The following OLA1 variants were observed in gnomAD, a reference collection of about 807,000 sequenced individuals.
The protein encoded by OLA1 is obg-like ATPase 1.
OLA1 carries 14 observed loss-of-function variants against 48.4 expected under a neutral mutation model. That is an observed-to-expected ratio of 0.29 (90% CI 0.19 to 0.45). The LOEUF (loss-of-function observed/expected upper bound fraction) is 0.45. OLA1 is among the 20% of genes least tolerant of loss of function. The probability of loss-of-function intolerance (pLI) is 1.00; values close to 1 mark genes in which losing one functional copy is unlikely to be tolerated. For synonymous variants in OLA1, 127 were observed against 150.4 expected, an observed-to-expected ratio of 0.84 and a Z score of 1.14; for missense variants, 325 against 467.1, an observed-to-expected ratio of 0.70 and a Z score of 2.80.
intron 4 of OLA1, among the ~76,000 whole-genome samples, chr2:174,198,733 A>T (rs1246023350): frequency 1.3e-5 from 2 of 152,182 alleles, no homozygotes; most frequent in African/African-American, 4.8e-5. Flanking sequence ...GTGAGCCAAG[A>T]TCACACCACT....
chr2:174,151,502 C>A (rs1686745179), intron 4 of OLA1, among the ~76,000 whole-genome samples: 1 of 152,098 alleles, frequency 6.6e-6, no homozygotes, highest in Non-Finnish European at 1.5e-5. Context: ...CAGAGTCCCA[C>A]CACAATCATT....
At chr2:174,227,352 A>G (rs1224285115) in intron 3 of OLA1, among the ~76,000 whole-genome samples, 1 of 152,232 alleles carries the variant, frequency 6.6e-6, no homozygotes, top group Admixed American at 6.5e-5. Flanking sequence ...AAATCTAAAT[A>G]AAGTCTATGA....
chr2:174,129,624 G>A (rs964729581), intron 5 of OLA1, among the ~76,000 whole-genome samples: 2 of 151,740 alleles, frequency 1.3e-5, no homozygotes, highest in African/African-American at 4.8e-5. Context: ...ATTAGCAATA[G>A]AAATCTCTAG....
At chr2:174,103,410 T>C (rs1364904123) in intron 7 of OLA1, among the ~76,000 whole-genome samples, 1 of 152,208 alleles carries the variant, frequency 6.6e-6, no homozygotes, top group Non-Finnish European at 1.5e-5. Context: ...TGTCTATGGC[T>C]GCTTTTGCAT....
In OLA1 at chr2:174,075,409, T is replaced by G. The variant is rs372370009; in HGVS notation, c.*17A>C. The stretch of plus-strand genomic sequence containing the variant: ...GCCTTTTGGAAGTTGTATGTTTATC[T>G]GAGCAATAACTAAATTTTATTTCTT... On this transcript the variant is annotated 3_prime_UTR_variant, in exon 11 of 11. Coordinates refer to ENST00000284719, the MANE Select transcript of OLA1 (RefSeq NM_013341.5). 2 of 1,462,800 alleles carry G rather than the reference T, an allele frequency of 1.4e-6. No individual in the cohort carries two copies. The highest frequency in any genetic ancestry group is 1.9e-6 in the Non-Finnish European group (2 of 1,047,096). 90.6% of individuals were successfully genotyped at this position (1,462,800 alleles called of 1,614,324 possible). A position where few individuals can be genotyped will look rare whatever the true frequency, so the allele number is the denominator to read the frequency against.
At chr2:174,087,330 T>C (rs911130886) in intron 7 of OLA1, among the ~76,000 whole-genome samples, 1 of 152,044 alleles carries the variant, frequency 6.6e-6, no homozygotes, top group African/African-American at 2.4e-5. Flanking sequence ...TCGGCCCCTA[T>C]TGTATATTCT....
Position 174,123,161 on chromosome 2 carries a change from C to T in OLA1, c.728+19G>A, listed in dbSNP as rs777609203. The T allele has an allele frequency of 8.4e-7, 1 of 1,188,114 alleles. No individual in the cohort carries two copies. Among genetic ancestry groups the T allele is most frequent in the Non-Finnish European group, 1.3e-6 (1 of 798,230 alleles). The allele number at this position is 1,188,114 out of a possible 1,614,324, so 73.6% of individuals were successfully genotyped here. On this transcript the variant is annotated intron_variant, in intron 7 of 10. Transcript: ENST00000284719. ...ACAGAGATGATGCATCTGGGTATAT[C>T]TGGTGAGGAAAAACTTACCATTTGT...
chr2:174,186,228 T>C (rs1687653112), intron 4 of OLA1, among the ~76,000 whole-genome samples: 1 of 152,166 alleles, frequency 6.6e-6, no homozygotes, highest in Admixed American at 6.5e-5. Context: ...TTTCTGCTTG[T>C]AGGATGAAGA....
At chr2:174,187,792 G>A (rs776969257) in intron 4 of OLA1, among the ~76,000 whole-genome samples, 34 of 152,154 alleles carry the variant, frequency 2.2e-4, no homozygotes, top group Non-Finnish European at 4.1e-4. Flanking sequence ...GGTATGGAAG[G>A]TTTTCAAAAG....
intron 5 of OLA1, among the ~76,000 whole-genome samples, chr2:174,140,524 C>G (rs560971996): frequency 4.6e-5 from 7 of 152,094 alleles, no homozygotes; most frequent in Middle Eastern, 3.4e-3. Flanking sequence ...TGCACCACCA[C>G]GCCTGGCTAA....
At chr2:174,236,568 C>A (rs1327188920) in intron 2 of OLA1, among the ~76,000 whole-genome samples, 2 of 152,094 alleles carry the variant, frequency 1.3e-5, no homozygotes, top group Admixed American at 1.3e-4. Context: ...GCATTTACAG[C>A]CATACATCGC....
chr2:174,080,361 A>C (rs1174834987), intron 9 of OLA1, among the ~76,000 whole-genome samples: 1 of 152,086 alleles, frequency 6.6e-6, no homozygotes, highest in Non-Finnish European at 1.5e-5. Context: ...ATAAGACACT[A>C]TTTCTAAAAG....
intron 2 of OLA1, among the ~76,000 whole-genome samples, chr2:174,234,719 C>T (rs978614501): frequency 3.3e-5 from 5 of 152,054 alleles, no homozygotes; most frequent in African/African-American, 1.2e-4. Context: ...CAGCTTCAGC[C>T]TCGTAAAGTG....
At chr2:174,176,744 T>C (rs1687429984) in intron 4 of OLA1, among the ~76,000 whole-genome samples, 2 of 152,022 alleles carry the variant, frequency 1.3e-5, no homozygotes, top group East Asian at 1.9e-4. Context: ...AAGTGGGAGG[T>C]ATGGGGATGA....
intron 7 of OLA1, among the ~76,000 whole-genome samples, chr2:174,094,366 A>T (rs75514160): frequency 0.098 from 14,985 of 152,262 alleles, 1,023 homozygotes; most frequent in African/African-American, 0.18. Flanking sequence ...CCTCAAACAG[A>T]TCTACAGATT....
chr2:174,106,362 C>A (rs376584127), intron 7 of OLA1, among the ~76,000 whole-genome samples: 1 of 151,958 alleles, frequency 6.6e-6, no homozygotes, highest in Non-Finnish European at 1.5e-5. Flanking sequence ...AATAGTCAAA[C>A]CAACAATTAT....
intron 4 of OLA1, among the ~76,000 whole-genome samples, chr2:174,197,221 C>T (rs937683213): frequency 6.6e-6 from 1 of 152,058 alleles, no homozygotes; most frequent in African/African-American, 2.4e-5. Flanking sequence ...TGGAGAAAAC[C>T]TTCCCATAGA....
At chr2:174,142,313 C>T (rs1043711434) in intron 4 of OLA1, among the ~76,000 whole-genome samples, 1 of 151,984 alleles carries the variant, frequency 6.6e-6, no homozygotes, top group African/African-American at 2.4e-5. Flanking sequence ...TACTGAATTC[C>T]AGGCATGAAA....
intron 7 of OLA1, among the ~76,000 whole-genome samples, chr2:174,119,133 TC>T (rs1462984978): frequency 6.6e-6 from 1 of 151,916 alleles, no homozygotes; most frequent in Non-Finnish European, 1.5e-5. Context: ...CAAAGGTTTT[TC>T]CCCATCCCCA....
Sources: gnomAD v4.1 joint callset for allele counts (sites outside exome capture counted in the v4.1 genomes callset) on GRCh38, gnomAD v4.1.1 for gene constraint, MANE v1.5 for transcripts, NCBI Gene and HGNC (gene_info 2026-07-23, HGNC 2026-07-21) for gene names.